Variants in ZFHX3 observed in about 807,000 individuals in gnomAD.
ZFHX3 encodes the protein zinc finger homeobox protein 3.
A neutral mutation model predicts 279.1 loss-of-function variants in ZFHX3; 42 were observed. That is an observed-to-expected ratio of 0.15 (90% CI 0.12 to 0.19). ZFHX3 has a LOEUF of 0.19. Among genes scored for constraint, ZFHX3 ranks in the 10% least tolerant of loss-of-function variants. ZFHX3 has a pLI of 1.00. For synonymous variants in ZFHX3, 2,293 were observed against 1,957.8 expected, an observed-to-expected ratio of 1.17 and a Z score of -4.52; for missense variants, 4,981 against 4,754.0, an observed-to-expected ratio of 1.05 and a Z score of -1.40.
chr16:73,765,281 T>C (rs1303436953), intron 1 of ZFHX3, among the ~76,000 whole-genome samples: 16 of 152,202 alleles, frequency 1.1e-4, no homozygotes, highest in Non-Finnish European at 2.4e-4. Context: ...TGGTGGTTGT[T>C]TTTGCAGTGC....
In ZFHX3 at chr16:72,950,894, C is replaced by T; in HGVS notation, c.2791G>A (p.Gly931Ser). The T allele has an allele frequency of 1.2e-6, 2 of 1,614,030 alleles. No homozygotes were observed. The highest frequency in any genetic ancestry group is 1.3e-5 in the African/African-American group (1 of 75,042). The change falls in exon 3 of 10, where the codon GGC becomes AGC. Residue 931 changes from glycine (G) to serine (S), a missense_variant. Physicochemically the swap from Gly to Ser is moderately conservative, Grantham distance 56. Around this residue, in one of 7 missense-constraint regions of ZFHX3, gnomAD observed 1,751 missense variants for 1,770.0 expected, o/e 0.99. Transcript: ENST00000268489. ...TCGTTGGTCTGGATGAAGCTCTCGC[C>T]CAGGTTCATCAGCTCCTCTGACACC... ...QLVSEELMNL[G>S]ESFIQTNDPS...
At chr16:72,816,548 C>G (rs1345928890) in intron 5 of ZFHX3, among the ~76,000 whole-genome samples, 1 of 152,152 alleles carries the variant, frequency 6.6e-6, no homozygotes, top group East Asian at 1.9e-4. Context: ...AGTGAGAAAG[C>G]ACTTGCTCTG....
chr16:73,672,414 C>T (rs746329273), intron 2 of ZFHX3, among the ~76,000 whole-genome samples: 25 of 152,140 alleles, frequency 1.6e-4, no homozygotes, highest in Non-Finnish European at 2.9e-4. Flanking sequence ...ACTTCAAAAA[C>T]GCCATTACAA....
intron 1 of ZFHX3, among the ~76,000 whole-genome samples, chr16:73,783,424 C>T (rs1224760970): frequency 2.0e-5 from 3 of 152,226 alleles, no homozygotes; most frequent in Non-Finnish European, 2.9e-5. Flanking sequence ...GTCTCCACCT[C>T]ATGCTCTTTC....
At chr16:73,380,745 T>C (rs1368700410) in intron 3 of ZFHX3, among the ~76,000 whole-genome samples, 1 of 152,180 alleles carries the variant, frequency 6.6e-6, no homozygotes, top group Non-Finnish European at 1.5e-5. Context: ...GACTCACACC[T>C]GTAATCCCCA....
At chr16:73,102,001 C>T (rs1372720779) in intron 7 of ZFHX3, among the ~76,000 whole-genome samples, 1 of 151,280 alleles carries the variant, frequency 6.6e-6, no homozygotes, top group African/African-American at 2.4e-5. Flanking sequence ...GCAATCTCCG[C>T]CTCCTGGGTT....
chr16:73,262,633 T>G (rs1014029383), intron 4 of ZFHX3, among the ~76,000 whole-genome samples: 4 of 152,164 alleles, frequency 2.6e-5, no homozygotes, highest in Non-Finnish European at 5.9e-5. Flanking sequence ...GAAGCAGATT[T>G]GGCCCTAGAA....
intron 2 of ZFHX3, among the ~76,000 whole-genome samples, chr16:73,493,025 T>C (rs1001790911): frequency 6.6e-6 from 1 of 152,202 alleles, no homozygotes; most frequent in African/African-American, 2.4e-5. Context: ...AAAGAAATAT[T>C]TTGCTCTATG....
intron 3 of ZFHX3, among the ~76,000 whole-genome samples, chr16:72,929,666 G>A (rs116106653): frequency 0.022 from 3,351 of 152,292 alleles, 139 homozygotes; most frequent in African/African-American, 0.076. Context: ...GGCTGCGACA[G>A]GGCCCTCCAC....
At chr16:73,572,836 C>T (rs1037018030) in intron 2 of ZFHX3, among the ~76,000 whole-genome samples, 2 of 152,208 alleles carry the variant, frequency 1.3e-5, no homozygotes, top group Non-Finnish European at 2.9e-5. Flanking sequence ...ACTCTATCAA[C>T]CTAAATTGGA....
At chr16:73,400,821 T>C (rs911171274) in intron 3 of ZFHX3, 3 of 152,206 alleles carry the variant, frequency 2.0e-5, no homozygotes, top group African/African-American at 7.2e-5. Flanking sequence ...GCGGTTCACC[T>C]TTGCTCTTGT....
At chr16:72,858,764 C>A (rs1048881014) in intron 4 of ZFHX3, among the ~76,000 whole-genome samples, 2 of 152,256 alleles carry the variant, frequency 1.3e-5, no homozygotes, top group Non-Finnish European at 2.9e-5. Flanking sequence ...GTGGACCTGG[C>A]TGCCCCATTT....
At chr16:73,039,218 A>G (rs1369437550) in intron 1 of ZFHX3, among the ~76,000 whole-genome samples, 2 of 151,914 alleles carry the variant, frequency 1.3e-5, no homozygotes, top group African/African-American at 2.4e-5. Flanking sequence ...TCTGCCTCCC[A>G]AAGTGCTGAG....
intron 7 of ZFHX3, among the ~76,000 whole-genome samples, chr16:73,113,819 G>T (rs1372438901): frequency 1.0e-4 from 10 of 99,266 alleles, no homozygotes; most frequent in Non-Finnish European, 8.2e-5. Context: ...TTTTTAGACA[G>T]AGTCTTGCTG....
chr16:73,297,044 A>C (rs1311608872), intron 4 of ZFHX3, among the ~76,000 whole-genome samples: 1 of 151,238 alleles, frequency 6.6e-6, no homozygotes, highest in Non-Finnish European at 1.5e-5. Context: ...TGCCCGGCTA[A>C]TTTTTTGTAT....
At chr16:73,305,116 G>A (rs976505839) in intron 4 of ZFHX3, among the ~76,000 whole-genome samples, 2 of 152,056 alleles carry the variant, frequency 1.3e-5, no homozygotes, top group African/African-American at 2.4e-5. Flanking sequence ...GCCCAAGATC[G>A]GAGAGAAAGA....
intron 3 of ZFHX3, among the ~76,000 whole-genome samples, chr16:73,395,607 A>G (rs1393210927): frequency 6.6e-6 from 1 of 152,102 alleles, no homozygotes; most frequent in Non-Finnish European, 1.5e-5. Context: ...GCTGGCACAT[A>G]GTAGGCTGTT....
intron 1 of ZFHX3, among the ~76,000 whole-genome samples, chr16:73,721,563 G>A (rs2053473949): frequency 6.6e-6 from 1 of 152,148 alleles, no homozygotes; most frequent in Non-Finnish European, 1.5e-5. Context: ...GGACTGTGAA[G>A]CCCACCCAAG....
chr16:73,739,723 C>CA (rs1427536796), intron 1 of ZFHX3, among the ~76,000 whole-genome samples: 3 of 152,164 alleles, frequency 2.0e-5, no homozygotes, highest in African/African-American at 7.2e-5. Context: ...TCCTGAAGGC[C>CA]AAACAATCAG....
Sources: allele counts gnomAD v4.1 joint callset (sites outside exome capture counted in the v4.1 genomes callset), GRCh38; gene constraint gnomAD v4.1.1; regional missense constraint gnomAD v4.1.1; transcripts MANE v1.5; gene names NCBI Gene and HGNC (gene_info 2026-07-23, HGNC 2026-07-21).